The following PDE4B variants were observed in gnomAD, a reference collection of about 807,000 sequenced individuals.
The protein encoded by PDE4B is phosphodiesterase 4B, also known as 3',5'-cyclic-AMP phosphodiesterase 4B.
In PDE4B, 20 loss-of-function variants were observed where a neutral mutation model predicts 82.2. The observed-to-expected ratio is 0.24, with a 90% CI of 0.17 to 0.35. The LOEUF (loss-of-function observed/expected upper bound fraction) is 0.35. Among genes scored for constraint, PDE4B ranks in the 10% least tolerant of loss-of-function variants. The pLI, the probability that PDE4B is intolerant of heterozygous loss-of-function variation, is 1.00. For missense variants in PDE4B, 655 were observed against 907.2 expected, an observed-to-expected ratio of 0.72 and a Z score of 3.57; for synonymous variants, 320 against 318.9, an observed-to-expected ratio of 1.00 and a Z score of -0.04.
intron 3 of PDE4B, among the ~76,000 whole-genome samples, chr1:65,919,180 T>C (rs1329889219): frequency 1.3e-5 from 2 of 152,230 alleles, no homozygotes; most frequent in African/African-American, 4.8e-5. Context: ...AAAAACAAAT[T>C]ACATGTTACT....
chr1:66,112,147 C>G (rs1645501570), intron 3 of PDE4B, among the ~76,000 whole-genome samples: 1 of 152,076 alleles, frequency 6.6e-6, no homozygotes, highest in Non-Finnish European at 1.5e-5. Flanking sequence ...AAAACTGTAA[C>G]TAACTGAGTC....
chr1:65,899,800 C>T (rs951538887), intron 1 of PDE4B, among the ~76,000 whole-genome samples: 2 of 151,798 alleles, frequency 1.3e-5, no homozygotes, highest in East Asian at 1.9e-4. Flanking sequence ...AAACATCATA[C>T]GTTCTCACTC....
intron 1 of PDE4B, among the ~76,000 whole-genome samples, chr1:65,904,691 G>GT (rs1368588368): frequency 6.6e-6 from 1 of 152,072 alleles, no homozygotes; most frequent in Admixed American, 6.6e-5. Flanking sequence ...GGCAGCAGAC[G>GT]TAATGGTTAA....
chr1:66,206,593 A>G (rs1265615800), intron 3 of PDE4B, among the ~76,000 whole-genome samples: 10 of 152,222 alleles, frequency 6.6e-5, no homozygotes, highest in Non-Finnish European at 1.2e-4. Context: ...TGGATCACAT[A>G]CTATAATGAC....
chr1:65,831,313 A>T (rs1646079038), intron 1 of PDE4B, among the ~76,000 whole-genome samples: 1 of 152,156 alleles, frequency 6.6e-6, no homozygotes, highest in Non-Finnish European at 1.5e-5. Flanking sequence ...ATTAAGAAAA[A>T]CTGACACACA....
intron 3 of PDE4B, among the ~76,000 whole-genome samples, chr1:66,183,699 T>C (rs1300378946): frequency 2.6e-5 from 4 of 152,204 alleles, no homozygotes; most frequent in Admixed American, 1.3e-4. Flanking sequence ...CTGTGCCCTA[T>C]CTTTTGAAAT....
chr1:65,934,540 G>C (rs1239572128), intron 3 of PDE4B, among the ~76,000 whole-genome samples: 1 of 152,168 alleles, frequency 6.6e-6, no homozygotes, highest in Admixed American at 6.6e-5. Context: ...CTCTATCAAT[G>C]CTTACTTTAC....
intron 3 of PDE4B, among the ~76,000 whole-genome samples, chr1:66,216,574 T>G (rs1344399644): frequency 6.6e-6 from 1 of 152,168 alleles, no homozygotes; most frequent in Non-Finnish European, 1.5e-5. Context: ...TATTATATGT[T>G]ACTTTTGTCA....
chr1:66,204,307 A>G lies in PDE4B; in HGVS notation c.282-43153A>G, dbSNP rs189891617. On this transcript the variant is annotated intron_variant, in intron 3 of 16. Coordinates refer to ENST00000341517, the MANE Select transcript of PDE4B (RefSeq NM_002600.4). ...TGCTCGGGGGTCAGGGACCCACTTG[A>G]GGCAGCAGTCTGCCTGTTGTCAGAT... Among the ~76,000 whole-genome samples, 176 of 152,340 alleles carry G rather than the reference A, an allele frequency of 1.2e-3. 1 individual carries two copies. Among genetic ancestry groups the G allele is most frequent in the African/African-American group, 3.8e-3 (157 of 41,590 alleles).
intron 1 of PDE4B, among the ~76,000 whole-genome samples, chr1:65,855,808 T>A (rs1646385864): frequency 6.6e-6 from 1 of 152,110 alleles, no homozygotes; most frequent in Non-Finnish European, 1.5e-5. Flanking sequence ...TGTGTTCTGC[T>A]TGGGATCTAT....
chr1:66,004,733 G>A (rs1652052023), intron 3 of PDE4B, among the ~76,000 whole-genome samples: 1 of 152,050 alleles, frequency 6.6e-6, no homozygotes, highest in Non-Finnish European at 1.5e-5. Flanking sequence ...GTTTATATCA[G>A]AAAGTTTATT....
At chr1:66,032,718 C>G (rs997199427) in intron 3 of PDE4B, among the ~76,000 whole-genome samples, 1 of 148,186 alleles carries the variant, frequency 6.7e-6, no homozygotes, top group Non-Finnish European at 1.5e-5. Flanking sequence ...TGCAGTGGCG[C>G]GATCTCAGCT....
chr1:66,190,236 C>G (rs1161733899), intron 3 of PDE4B, among the ~76,000 whole-genome samples: 1 of 152,208 alleles, frequency 6.6e-6, no homozygotes, highest in African/African-American at 2.4e-5. Flanking sequence ...AGATGTCAGT[C>G]TGCCTCTACT....
intron 1 of PDE4B, among the ~76,000 whole-genome samples, chr1:65,865,184 G>T (rs1338175452): frequency 1.4e-4 from 21 of 152,154 alleles, no homozygotes; most frequent in Admixed American, 1.4e-3. Context: ...ACTGTCAGGG[G>T]AAAACCGCCT....
chr1:65,890,905 G>C (rs1646845728), intron 1 of PDE4B, among the ~76,000 whole-genome samples: 1 of 152,004 alleles, frequency 6.6e-6, no homozygotes, highest in South Asian at 2.1e-4. Flanking sequence ...GTGGTAGTTA[G>C]GGGCATTGGT....
intron 1 of PDE4B, among the ~76,000 whole-genome samples, chr1:65,857,438 T>C (rs552286033): frequency 2.6e-4 from 40 of 152,254 alleles, no homozygotes; most frequent in African/African-American, 9.4e-4. Flanking sequence ...TTTATTTTTA[T>C]TTTTTAGAGC....
chr1:66,067,294 C>G (rs1224428695), intron 3 of PDE4B, among the ~76,000 whole-genome samples: 2 of 152,216 alleles, frequency 1.3e-5, no homozygotes, highest in South Asian at 2.1e-4. Context: ...AACTAGTTTA[C>G]AGTCCCACCA....
intron 3 of PDE4B, among the ~76,000 whole-genome samples, chr1:66,008,862 A>G (rs1270685203): frequency 2.0e-5 from 3 of 151,814 alleles, no homozygotes; most frequent in African/African-American, 7.3e-5. Context: ...CATGTTCCTC[A>G]AGTCTAAATA....
At chr1:66,231,965 TC>T (rs1178921549) in intron 3 of PDE4B, among the ~76,000 whole-genome samples, 1 of 152,200 alleles carries the variant, frequency 6.6e-6, no homozygotes, top group Non-Finnish European at 1.5e-5. Context: ...CCTGACTGGT[TC>T]CACCTTAATT....
Sources: gnomAD v4.1 joint callset for allele counts (sites outside exome capture counted in the v4.1 genomes callset) on GRCh38, gnomAD v4.1.1 for gene constraint, MANE v1.5 for transcripts, NCBI Gene and HGNC (gene_info 2026-07-23, HGNC 2026-07-21) for gene names.